Variants in UTP18 observed in about 807,000 individuals in gnomAD.
UTP18 encodes the protein UTP18 small subunit processome component.
In UTP18, 36 loss-of-function variants were observed where a neutral mutation model predicts 61.1. That is an observed-to-expected ratio of 0.59 (90% CI 0.45 to 0.78). The LOEUF is 0.78. Ranked by LOEUF, UTP18 falls within the 30% of genes least tolerant of loss-of-function variation. UTP18 has a pLI of 0.00. For synonymous variants in UTP18, 282 were observed against 251.1 expected (o/e 1.12, Z -1.16); for missense variants, 753 against 693.9 (o/e 1.09, Z -0.96).
intron 3 of UTP18, 38 bp downstream of exon 3, chr17:51,266,318 A>G (rs756154675): frequency 2.8e-6 from 4 of 1,422,368 alleles, no homozygotes; most frequent in Non-Finnish European, 2.9e-6. Context: ...CAAGAGGTGT[A>G]TGTAACCAAT....
intron 13 of UTP18, 43 bp downstream of exon 13, chr17:51,297,046 AC>A: frequency 6.5e-7 from 1 of 1,536,986 alleles, no homozygotes; most frequent in Non-Finnish European, 8.9e-7. Context: ...GTTTTAAGAT[AC>A]ACCCATTGCT....
chr17:51,291,843 A>G (rs940137614), intron 11 of UTP18, among the ~76,000 whole-genome samples: 1 of 152,198 alleles, frequency 6.6e-6, no homozygotes, highest in Non-Finnish European at 1.5e-5. Context: ...CCAAACTTCA[A>G]AGTCATTCCA....
At chr17:51,273,307 A>G in intron 4 of UTP18, 55 bp from the exon 5 acceptor site, 2 of 1,385,226 alleles carry the variant, frequency 1.4e-6, no homozygotes, top group Non-Finnish European at 2.0e-6. Context: ...TGGGGTAGGT[A>G]AAAGGGGCAG....
chr17:51,263,074 C>G (rs550339390), intron 1 of UTP18, among the ~76,000 whole-genome samples, 200 bp from the exon 2 acceptor site: 1 of 152,238 alleles, frequency 6.6e-6, no homozygotes, highest in Admixed American at 6.5e-5. Flanking sequence ...TCTTGCCTCA[C>G]CTGTCCAGTC....
chr17:51,263,136 A>G lies in UTP18; in HGVS notation c.343-138A>G, dbSNP rs1220370182. 3.7e-5 allele frequency: 25 copies of G among 683,928 alleles called. No individual in the cohort carries two copies. In the South Asian group the frequency reaches 3.7e-4, roughly 10 times the overall value. 42.4% of individuals were successfully genotyped at this position (683,928 alleles called of 1,614,324 possible). On this transcript the variant is annotated intron_variant, in intron 1 of 13. Coordinates refer to ENST00000225298, the MANE Select transcript of UTP18 (RefSeq NM_016001.3). ...TCTGCCTCTGCTTCCAGCATTTGCA[A>G]TGGTAGCATTCCATCCCATTATTTC...
At chr17:51,292,862 C>G (rs1334067595) in intron 11 of UTP18, among the ~76,000 whole-genome samples, 1 of 152,168 alleles carries the variant, frequency 6.6e-6, no homozygotes, top group Admixed American at 6.5e-5. Context: ...GCTTTTGGCT[C>G]TCTCTAAATC....
At chr17:51,261,373 C>G (rs901541698) in intron 1 of UTP18, among the ~76,000 whole-genome samples, 7 of 152,206 alleles carry the variant, frequency 4.6e-5, no homozygotes, top group African/African-American at 1.7e-4. Flanking sequence ...ATGAGACCCA[C>G]CATGTTTTGA....
chr17:51,285,848 C>T (rs564235468), intron 10 of UTP18, among the ~76,000 whole-genome samples: 3 of 152,274 alleles, frequency 2.0e-5, no homozygotes, highest in East Asian at 1.9e-4. Flanking sequence ...TTGGAACATA[C>T]GCCCTGCCAG....
Position 51,275,900 on chromosome 17 carries a change from C to G in UTP18, c.746C>G (p.Pro249Arg). The change falls in exon 6 of 14, where the codon CCT becomes CGT. Residue 249 changes from proline to arginine, a missense_variant. Physicochemically the swap from Pro to Arg is moderately radical, Grantham distance 103. Transcript: ENST00000225298. ...TGCCAGCATGCGAATGCTGAACGTCCTACTGTTGCTCGGATCTCATCTGTG... is the reference window on the plus strand; with the variant it reads ...TGCCAGCATGCGAATGCTGAACGTCGTACTGTTGCTCGGATCTCATCTGTG... ...KNCQHANAER[P>R]TVARISSVQF... 1.2e-6 allele frequency: 2 copies of G among 1,610,778 alleles called. No individual in the cohort carries two copies. The highest frequency in any genetic ancestry group is 1.7e-6 in the Non-Finnish European group (2 of 1,178,988).
At chr17:51,284,630 C>G (rs1905046366) in intron 9 of UTP18, among the ~76,000 whole-genome samples, 1 of 152,190 alleles carries the variant, frequency 6.6e-6, no homozygotes, top group South Asian at 2.1e-4. Flanking sequence ...AATAATTTAT[C>G]TGAGTGGAAC....
intron 10 of UTP18, 22 bp downstream of exon 10, chr17:51,285,390 T>G: frequency 6.2e-7 from 1 of 1,609,784 alleles, no homozygotes; most frequent in Non-Finnish European, 8.5e-7. Flanking sequence ...GAGGTTCTTG[T>G]AACCTTAATC....
At chr17:51,289,271 A>G (rs1905188609) in intron 11 of UTP18, among the ~76,000 whole-genome samples, 1 of 146,030 alleles carries the variant, frequency 6.8e-6, no homozygotes, top group African/African-American at 2.6e-5. Flanking sequence ...ATCTCGGCTC[A>G]CTGCAGCCTC....
At chr17:51,292,088 A>C (rs912587119) in intron 11 of UTP18, among the ~76,000 whole-genome samples, 18 of 152,264 alleles carry the variant, frequency 1.2e-4, no homozygotes, top group African/African-American at 3.6e-4. Context: ...ACTTATCACA[A>C]ATTTATATAA....
chr17:51,291,589 G>A (rs1244337317), intron 11 of UTP18, among the ~76,000 whole-genome samples: 1 of 152,002 alleles, frequency 6.6e-6, no homozygotes, highest in Non-Finnish European at 1.5e-5. Flanking sequence ...ACAAAAATTA[G>A]CTGGGCGTGG....
At chr17:51,288,638 A>C (rs947246915) in intron 11 of UTP18, 2 of 456,016 alleles carry the variant, frequency 4.4e-6, no homozygotes, top group African/African-American at 4.0e-5. Flanking sequence ...TTGTAATTTA[A>C]ATAGCTAGGT....
intron 11 of UTP18, among the ~76,000 whole-genome samples, chr17:51,290,605 A>G (rs569551393): frequency 2.8e-4 from 42 of 152,302 alleles, no homozygotes; most frequent in African/African-American, 9.6e-4. Context: ...TATCACTTTA[A>G]TGGTAGTAAA....
At chr17:51,274,757 G>A (rs1463370340) in intron 5 of UTP18, among the ~76,000 whole-genome samples, 1 of 151,684 alleles carries the variant, frequency 6.6e-6, no homozygotes, top group Non-Finnish European at 1.5e-5. Flanking sequence ...AGCGACATAG[G>A]TCTCTTTTCT....
At chr17:51,284,249 A>G (rs1464440509) in intron 9 of UTP18, among the ~76,000 whole-genome samples, 1 of 152,218 alleles carries the variant, frequency 6.6e-6, no homozygotes, top group Non-Finnish European at 1.5e-5. Context: ...GGTGAACTTT[A>G]GAGCAATATC....
At position 51,264,690 on chromosome 17, in the gene UTP18, C is replaced by CT. The variant is rs1227700509; in HGVS notation, c.455+1318dup. Among the ~76,000 whole-genome samples the CT allele has an allele frequency of 9.1e-3, 1,286 of 141,646 alleles. 14 individuals are homozygous for CT. The highest frequency in any genetic ancestry group is 0.036 in the South Asian group (164 of 4,592). The allele number at this position is 141,646 out of a possible 152,430, so 92.9% of individuals were successfully genotyped here. A position where few individuals can be genotyped will look rare whatever the true frequency, so the allele number is the denominator to read the frequency against. The stretch of plus-strand genomic sequence containing the variant: ...TGTTTTTGTGTTTAGTCATTGTCTT[C>CT]TTTTTTTTTTTTTTGAGACTCTCAT... On this transcript the variant is annotated intron_variant, in intron 2 of 13. Coordinates refer to ENST00000225298, the MANE Select transcript of UTP18 (RefSeq NM_016001.3).
Sources: allele counts gnomAD v4.1 joint callset (sites outside exome capture counted in the v4.1 genomes callset), GRCh38; gene constraint gnomAD v4.1.1; transcripts MANE v1.5; gene names NCBI Gene and HGNC (gene_info 2026-07-23, HGNC 2026-07-21).